NRF1: variants seen among roughly 807,000 people sequenced by gnomAD.
NRF1 encodes alpha palindromic-binding protein.
NRF1 carries 5 observed loss-of-function variants against 58.5 expected under a neutral mutation model. That is an observed-to-expected ratio of 0.09 (90% CI 0.04 to 0.18). The LOEUF (loss-of-function observed/expected upper bound fraction) is 0.18, where lower values mean the gene tolerates loss of function less well. Ranked by LOEUF, NRF1 falls within the 10% of genes least tolerant of loss-of-function variation. The probability of loss-of-function intolerance (pLI) is 1.00; values close to 1 mark genes in which losing one functional copy is unlikely to be tolerated. For missense variants in NRF1, 288 were observed against 657.7 expected (o/e 0.44, Z 6.15); for synonymous variants, 224 against 246.7 (o/e 0.91, Z 0.86).
intron 1 of NRF1, among the ~76,000 whole-genome samples, chr7:129,654,974 G>A (rs992127521): frequency 2.0e-5 from 3 of 152,092 alleles, no homozygotes; most frequent in African/African-American, 7.2e-5. Context: ...AGTGTCAGTT[G>A]GTTGGTATCC....
intron 1 of NRF1, among the ~76,000 whole-genome samples, chr7:129,648,274 C>CTTTTTTTTTT (rs35513653): frequency 3.1e-5 from 3 of 97,046 alleles, no homozygotes; most frequent in Non-Finnish European, 5.8e-5. Flanking sequence ...GCATTATTGA[C>CTTTTTTTTTT]TTTTTTTTTT....
rs1444018712 is a variant in NRF1 at position 129,727,499 on chromosome 7, C to G, written c.1348+134C>G. 2.1e-5 allele frequency: 17 copies of G among 810,690 alleles called. No homozygotes were observed. In the South Asian group the frequency reaches 3.3e-4, roughly 16 times the overall value. 50.2% of individuals were successfully genotyped at this position (810,690 alleles called of 1,614,324 possible). ...TTCTTCATTGGTAGACATTTCATGC[C>G]TAGGAATATTCTGGGAGCCTGTGAT... is the stretch of plus-strand genomic sequence containing the variant. On this transcript the variant is annotated intron_variant, in intron 10 of 10. Coordinates refer to ENST00000393232, the MANE Select transcript of NRF1 (RefSeq NM_005011.5).
At chr7:129,629,366 C>T (rs759660722) in intron 1 of NRF1, among the ~76,000 whole-genome samples, 2 of 151,416 alleles carry the variant, frequency 1.3e-5, no homozygotes, top group African/African-American at 4.9e-5. Context: ...GCAACCTCCG[C>T]CTCCCGGGTT....
intron 5 of NRF1, among the ~76,000 whole-genome samples, chr7:129,690,837 G>A (rs985850021): frequency 6.6e-6 from 1 of 152,032 alleles, no homozygotes; most frequent in Non-Finnish European, 1.5e-5. Context: ...TTTAGCTTGG[G>A]GTTGGTCTGA....
intron 9 of NRF1, 80 bp downstream of exon 9, chr7:129,717,456 T>C (rs71529414): frequency 1.5e-5 from 22 of 1,445,456 alleles, no homozygotes; most frequent in Non-Finnish European, 2.0e-5. Context: ...TAAAGAGAAA[T>C]GTGTCTCTGT....
At chr7:129,732,139 C>G (rs563322839) in intron 10 of NRF1, among the ~76,000 whole-genome samples, 54 of 152,230 alleles carry the variant, frequency 3.5e-4, no homozygotes, top group African/African-American at 1.2e-3. Context: ...CACCTCTCAC[C>G]CAGACCTTAA....
At chr7:129,708,790 T>A (rs956265595) in intron 5 of NRF1, among the ~76,000 whole-genome samples, 1 of 152,148 alleles carries the variant, frequency 6.6e-6, no homozygotes, top group South Asian at 2.1e-4. Context: ...ACCAGTAATA[T>A]CTTGGGAAGC....
intron 1 of NRF1, among the ~76,000 whole-genome samples, chr7:129,633,291 A>G (rs2151062997): frequency 6.6e-6 from 1 of 152,272 alleles, no homozygotes; most frequent in Middle Eastern, 3.4e-3. Context: ...ACCATTTTTT[A>G]TGGGAAAAAG....
At chr7:129,723,636 T>G (rs1269999737) in intron 9 of NRF1, among the ~76,000 whole-genome samples, 1 of 152,144 alleles carries the variant, frequency 6.6e-6, no homozygotes, top group Non-Finnish European at 1.5e-5. Flanking sequence ...TAGTAGTAAT[T>G]CCAGATCAAG....
At chr7:129,727,696 G>C (rs1355112474) in intron 10 of NRF1, among the ~76,000 whole-genome samples, 1 of 152,242 alleles carries the variant, frequency 6.6e-6, no homozygotes, top group East Asian at 1.9e-4. Flanking sequence ...CATCGGATAG[G>C]GTAGATCAAT....
chr7:129,634,197 A>G (rs1801122126), intron 1 of NRF1, among the ~76,000 whole-genome samples: 1 of 152,000 alleles, frequency 6.6e-6, no homozygotes, highest in African/African-American at 2.4e-5. Context: ...GTTGTGTGGT[A>G]GATTTGTTAC....
At chr7:129,742,819 A>C (rs2116300827) in intron 10 of NRF1, among the ~76,000 whole-genome samples, 1 of 152,272 alleles carries the variant, frequency 6.6e-6, no homozygotes, top group African/African-American at 2.4e-5. Context: ...TGGCTATTTA[A>C]ACTTAATTAA....
chr7:129,744,172 G>A, intron 10 of NRF1: 1 of 1,525,170 alleles, frequency 6.6e-7, no homozygotes, highest in Non-Finnish European at 8.9e-7. Flanking sequence ...GTTATTGTCA[G>A]GCCTCTTTAT....
At chr7:129,705,587 G>A (rs895806920) in intron 5 of NRF1, among the ~76,000 whole-genome samples, 18 of 152,178 alleles carry the variant, frequency 1.2e-4, no homozygotes, top group African/African-American at 3.6e-4. Context: ...CACCAAGCCC[G>A]GCCCTTGTGT....
intron 3 of NRF1, among the ~76,000 whole-genome samples, chr7:129,673,461 G>T (rs896873088): frequency 6.6e-6 from 1 of 152,204 alleles, no homozygotes; most frequent in Admixed American, 6.5e-5. Context: ...CGGGCGCGGT[G>T]GCTCACGCCT....
chr7:129,650,143 A>C (rs1379652475), intron 1 of NRF1, among the ~76,000 whole-genome samples: 5 of 148,230 alleles, frequency 3.4e-5, no homozygotes, highest in Non-Finnish European at 6.0e-5. Flanking sequence ...ATGTTAAGTT[A>C]TTGCTTGGGG....
chr7:129,620,054 G>A (rs1800757991), intron 1 of NRF1, among the ~76,000 whole-genome samples: 1 of 152,122 alleles, frequency 6.6e-6, no homozygotes, highest in South Asian at 2.1e-4. Flanking sequence ...AAAGTCAAGG[G>A]CCTTTACTAA....
intron 1 of NRF1, among the ~76,000 whole-genome samples, chr7:129,647,020 T>G (rs1216450011): frequency 1.3e-5 from 2 of 152,168 alleles, no homozygotes; most frequent in African/African-American, 4.8e-5. Flanking sequence ...CTGACTTCAG[T>G]GAGCTTACAG....
chr7:129,676,911 ACAATC>A (rs1156610055), intron 3 of NRF1, among the ~76,000 whole-genome samples: 1 of 152,236 alleles, frequency 6.6e-6, no homozygotes, highest in Non-Finnish European at 1.5e-5. Flanking sequence ...TGAGATATAA[ACAATC>A]AATAAAAGAT....
Sources: gnomAD v4.1 joint callset for allele counts (sites outside exome capture counted in the v4.1 genomes callset) on GRCh38, gnomAD v4.1.1 for gene constraint, MANE v1.5 for transcripts, NCBI Gene and HGNC (gene_info 2026-07-23, HGNC 2026-07-21) for gene names.